MAP3K19: variants seen among roughly 807,000 people sequenced by gnomAD.
MAP3K19 encodes the protein mitogen-activated protein kinase kinase kinase 19, also known as SPS1/STE20-related protein kinase YSK4.
In MAP3K19, 91 loss-of-function variants were observed where a neutral mutation model predicts 114.4. That is an observed-to-expected ratio of 0.80 (90% confidence interval 0.67 to 0.95). MAP3K19 has a LOEUF of 0.95. Ranked by LOEUF, MAP3K19 falls within the 40% of genes least tolerant of loss-of-function variation. The pLI, the probability that MAP3K19 is intolerant of heterozygous loss-of-function variation, is 0.00. For missense variants in MAP3K19, 1,471 were observed against 1,573.2 expected, an observed-to-expected ratio of 0.94 and a Z score of 1.10; for synonymous variants, 518 against 530.5, an observed-to-expected ratio of 0.98 and a Z score of 0.32.
At chr2:135,023,354 G>T (rs16831255) in intron 4 of MAP3K19, 6 of 474,552 alleles carry the variant, frequency 1.3e-5, no homozygotes, top group Admixed American at 4.7e-5. Flanking sequence ...GCACCTCCTC[G>T]GCTCAGCCCT....
intron 2 of MAP3K19, among the ~76,000 whole-genome samples, chr2:135,039,123 C>CTT (rs61309665): frequency 1.5e-4 from 17 of 112,480 alleles, no homozygotes; most frequent in African/African-American, 3.2e-4. Flanking sequence ...AATTTTCTTT[C>CTT]TTTTTTTTTT....
intron 8 of MAP3K19, among the ~76,000 whole-genome samples, chr2:134,997,053 A>C (rs1056641076): frequency 2.0e-5 from 3 of 152,170 alleles, no homozygotes; most frequent in African/African-American, 7.2e-5. Flanking sequence ...TGTCTCAAAC[A>C]AACCAACAAA....
At chr2:135,045,966 C>T (rs1688733380) in intron 1 of MAP3K19, among the ~76,000 whole-genome samples, 1 of 150,496 alleles carries the variant, frequency 6.6e-6, no homozygotes, top group African/African-American at 2.5e-5. Context: ...ACTCTCTCAT[C>T]CAGGCTGGAG....
At chr2:134,976,705 G>T (rs976056065) in intron 12 of MAP3K19, among the ~76,000 whole-genome samples, 1 of 150,682 alleles carries the variant, frequency 6.6e-6, no homozygotes, top group Non-Finnish European at 1.5e-5. Context: ...ACTCTTAAAA[G>T]TATTTTGTAT....
Position 134,986,018 on chromosome 2 carries a change from T to G in MAP3K19, c.2854A>C (p.Ile952Leu). 1 of 1,613,278 alleles carries G rather than the reference T, an allele frequency of 6.2e-7. No homozygotes were observed. The highest frequency in any genetic ancestry group is 8.5e-7 in the Non-Finnish European group (1 of 1,179,790). ...FGKTLSGTNSISQEIMDSVNN... is the reference protein window; with the variant it reads ...FGKTLSGTNSLSQEIMDSVNN... ...ACAGAGTCCATAATTTCTTGGGAAA[T>G]TGAATTTGTGCCACTTAAGGTTTTT... Residue 952 changes from isoleucine to leucine, a missense_variant, in exon 10 of 13, where the codon ATT (isoleucine) becomes CTT (leucine). Transcript: ENST00000392915.
At chr2:135,011,587 A>G (rs1041085914) in intron 5 of MAP3K19, among the ~76,000 whole-genome samples, 2 of 151,612 alleles carry the variant, frequency 1.3e-5, no homozygotes, top group African/African-American at 4.9e-5. Context: ...TGTACTGATC[A>G]GGCACGGTGG....
Position 134,987,882 on chromosome 2 carries a change from C to T in MAP3K19, c.990G>A (p.Leu330=). Residue 330 remains leucine (L), a synonymous_variant, in exon 10 of 13, where the codon TTG becomes TTA. Transcript: ENST00000392915. ...CTTCCTTCAAATTCTCAAAAGACAC[C>T]AAAGACTGCCCTTTTTCAAAGTGAG... ...EITHFEKGQS[L]VSFENLKEGN... The T allele has an allele frequency of 3.1e-6, 5 of 1,613,618 alleles. No homozygotes were observed. Among genetic ancestry groups the T allele is most frequent in the Non-Finnish European group, 2.5e-6 (3 of 1,180,026 alleles).
At chr2:134,978,898 C>G (rs1401763876) in intron 12 of MAP3K19, among the ~76,000 whole-genome samples, 1 of 152,136 alleles carries the variant, frequency 6.6e-6, no homozygotes, top group Middle Eastern at 3.2e-3. Context: ...TCTTTTGCAG[C>G]CCCCTGCTCC....
Position 134,999,121 on chromosome 2 carries a change from A to G in MAP3K19, c.315-124T>C, listed in dbSNP as rs1686245860. 14 of 1,143,582 alleles carry G rather than the reference A, an allele frequency of 1.2e-5. No homozygotes were observed. In the South Asian group the frequency reaches 1.8e-4, roughly 15 times the overall value. 70.8% of individuals were successfully genotyped at this position (1,143,582 alleles called of 1,614,324 possible). A position where few individuals can be genotyped will look rare whatever the true frequency, so the allele number is the denominator to read the frequency against. On this transcript the variant is annotated intron_variant, in intron 7 of 12. Coordinates refer to ENST00000392915, the MANE Select transcript of MAP3K19 (RefSeq NM_025052.5). This position sits in a 1 kb window ranked among gnomAD's most constrained non-coding sequence, Gnocchi z 4.1. ...ACTACTTCCAAATGGTGCTGCTGAA[A>G]GGAAAGGCTGAATCCTGAGAGGGTA...
chr2:134,985,966 A>C lies in MAP3K19; in HGVS notation c.2906T>G (p.Leu969Arg). ...TAATTCTGCAGCTAGACAACCTAAT[A>C]GTTCATCTGTCAATTCTTCATTATT... ...SVNNEELTDE[L>R]LGCLAAELLA... is the part of the protein sequence containing the mutation. The change falls in exon 10 of 13, where the codon CTA becomes CGA. Residue 969 changes from leucine to arginine, a missense_variant. Coordinates refer to ENST00000392915, the MANE Select transcript of MAP3K19 (RefSeq NM_025052.5). The C allele has an allele frequency of 6.2e-7, 1 of 1,614,024 alleles. No homozygotes were observed. Among genetic ancestry groups the C allele is most frequent in the Non-Finnish European group, 8.5e-7 (1 of 1,179,964 alleles).
chr2:135,040,718 TACC>T (rs1688629325), intron 1 of MAP3K19, among the ~76,000 whole-genome samples: 2 of 152,338 alleles, frequency 1.3e-5, no homozygotes, highest in African/African-American at 4.8e-5. Flanking sequence ...AATGCCGCAA[TACC>T]ACCAGGCTTG....
intron 5 of MAP3K19, 43 bp downstream of exon 5, chr2:135,021,672 A>G: frequency 9.3e-7 from 1 of 1,070,386 alleles, no homozygotes; most frequent in Non-Finnish European, 1.4e-6. Context: ...AAAGTAGTAG[A>G]TGGAGTAGGC....
chr2:134,994,009 C>T (rs1685809827), intron 8 of MAP3K19, among the ~76,000 whole-genome samples: 1 of 151,404 alleles, frequency 6.6e-6, no homozygotes, highest in Non-Finnish European at 1.5e-5. Context: ...GACCCTATCT[C>T]CAAAAAAGTA....
chr2:134,969,180 T>C (rs899734164), intron 12 of MAP3K19, among the ~76,000 whole-genome samples: 1 of 134,394 alleles, frequency 7.4e-6, no homozygotes, highest in African/African-American at 3.0e-5. Flanking sequence ...AAACCCCGTC[T>C]CCACCAAAAA....
At position 134,985,908 on chromosome 2, in the gene MAP3K19, G is replaced by T; in HGVS notation, c.2964C>A (p.Cys988Ter). Residue 988 changes from cysteine to a stop codon, truncating the protein, a stop_gained, in exon 10 of 13, where the codon TGC (cysteine) becomes TGA (stop). Coordinates refer to ENST00000392915, the MANE Select transcript of MAP3K19 (RefSeq NM_025052.5). LOFTEE classifies it high-confidence loss of function. The stretch of plus-strand genomic sequence containing the variant: ...GATCTGTTTCATTTGCCATTTTTTG[G>T]CAAGAGTTGTTATCTTTCTCATCAA... ...LALDEKDNNS[C>*]QKMANETDPE... is the part of the protein sequence containing the mutation. 1.2e-6 allele frequency: 2 copies of T among 1,613,896 alleles called. No individual in the cohort carries two copies. Among genetic ancestry groups the T allele is most frequent in the Non-Finnish European group, 1.7e-6 (2 of 1,179,914 alleles).
chr2:135,023,335 T>A (rs1688108544), intron 4 of MAP3K19: 1 of 448,060 alleles, frequency 2.2e-6, no homozygotes, highest in East Asian at 6.9e-5. Flanking sequence ...CTCCTCTCTA[T>A]CTGCGGGTGC....
intron 2 of MAP3K19, among the ~76,000 whole-genome samples, chr2:135,033,707 C>A (rs1479967785): frequency 2.1e-5 from 2 of 95,196 alleles, no homozygotes; most frequent in South Asian, 4.6e-4. Context: ...GCTAACCCCC[C>A]CCACCTCCCT....
chr2:135,011,802 C>G (rs920065003), intron 5 of MAP3K19, among the ~76,000 whole-genome samples: 3 of 152,042 alleles, frequency 2.0e-5, no homozygotes, highest in African/African-American at 7.2e-5. Context: ...GTTGCCTCAG[C>G]CTCCCAAGTA....
chr2:135,038,749 T>C (rs1182589650), intron 2 of MAP3K19, among the ~76,000 whole-genome samples: 3 of 151,936 alleles, frequency 2.0e-5, no homozygotes, highest in Admixed American at 2.0e-4. Context: ...TCCCAACTAC[T>C]TGGGAGACTG....
Sources: gnomAD v4.1 joint callset for allele counts (sites outside exome capture counted in the v4.1 genomes callset) on GRCh38, gnomAD v4.1.1 for gene constraint, Gnocchi (gnomAD v3.1) non-coding constraint, MANE v1.5 for transcripts, NCBI Gene and HGNC (gene_info 2026-07-23, HGNC 2026-07-21) for gene names.